The following NTN4 variants were observed in gnomAD, a reference collection of about 807,000 sequenced individuals.
The protein encoded by NTN4 is netrin-4.
Under a neutral mutation model 73.6 loss-of-function variants are expected in NTN4, and 32 were observed. The ratio of observed to expected loss-of-function variants is 0.44; its 90% CI spans 0.33 to 0.58. NTN4 has a LOEUF of 0.58. Ranked by LOEUF, NTN4 falls within the 20% of genes least tolerant of loss-of-function variation. NTN4 has a pLI of 0.04. For missense variants in NTN4, 654 were observed against 798.3 expected (o/e 0.82, Z 2.18); for synonymous variants, 258 against 287.5 (o/e 0.90, Z 1.04).
chr12:95,770,988 A>AATTTTTT (rs2079053316), intron 2 of NTN4, among the ~76,000 whole-genome samples: 17 of 58,060 alleles, frequency 2.9e-4, no homozygotes, highest in African/African-American at 7.4e-4. Context: ...CAGGAAAAGA[A>AATTTTTT]TTTGTTTTTT....
chr12:95,719,028 G>A (rs1292728191), intron 3 of NTN4, among the ~76,000 whole-genome samples: 1 of 152,076 alleles, frequency 6.6e-6, no homozygotes, highest in Non-Finnish European at 1.5e-5. Flanking sequence ...ATTATTCTAG[G>A]AATGTCTGAT....
At chr12:95,695,256 T>A (rs2078432471) in intron 5 of NTN4, among the ~76,000 whole-genome samples, 1 of 152,158 alleles carries the variant, frequency 6.6e-6, no homozygotes, top group African/African-American at 2.4e-5. Context: ...GTAGGATGCA[T>A]GAGATCTGCC....
intron 5 of NTN4, among the ~76,000 whole-genome samples, chr12:95,697,037 T>C (rs1235986905): frequency 6.6e-6 from 1 of 151,864 alleles, no homozygotes; most frequent in East Asian, 1.9e-4. Context: ...TAGCTGAGTG[T>C]GGTGGCATGT....
At chr12:95,723,933 C>T (rs560145517) in intron 3 of NTN4, among the ~76,000 whole-genome samples, 1 of 152,054 alleles carries the variant, frequency 6.6e-6, no homozygotes, top group East Asian at 1.9e-4. Context: ...GACTCATGTT[C>T]GTTTTATATA....
chr12:95,661,643 T>C (rs2078138507), intron 9 of NTN4, among the ~76,000 whole-genome samples: 1 of 152,218 alleles, frequency 6.6e-6, no homozygotes, highest in South Asian at 2.1e-4. Flanking sequence ...CACACCATGA[T>C]CTCTATAATG....
At chr12:95,730,472 A>T (rs1190359222) in intron 3 of NTN4, among the ~76,000 whole-genome samples, 2 of 152,220 alleles carry the variant, frequency 1.3e-5, no homozygotes, top group Non-Finnish European at 2.9e-5. Flanking sequence ...GGGTGCCAAG[A>T]TTATTTTAGA....
chr12:95,675,529 T>C (rs946767318), intron 7 of NTN4, among the ~76,000 whole-genome samples: 2 of 152,192 alleles, frequency 1.3e-5, no homozygotes, highest in Non-Finnish European at 2.9e-5. Context: ...ACTTTGTGAA[T>C]TCATACTTCA....
intron 3 of NTN4, among the ~76,000 whole-genome samples, chr12:95,718,193 G>A (rs1592682951): frequency 6.6e-6 from 1 of 152,144 alleles, no homozygotes; most frequent in African/African-American, 2.4e-5. Flanking sequence ...AGAGACATAA[G>A]AATTTAGGTC....
At chr12:95,703,054 A>C (rs1296670438) in intron 5 of NTN4, among the ~76,000 whole-genome samples, 1 of 151,918 alleles carries the variant, frequency 6.6e-6, no homozygotes, top group Non-Finnish European at 1.5e-5. Flanking sequence ...ACGGAGTTTC[A>C]CCATGTTGGC....
At chr12:95,760,562 C>T (rs963585310) in intron 2 of NTN4, among the ~76,000 whole-genome samples, 1 of 152,038 alleles carries the variant, frequency 6.6e-6, no homozygotes, top group African/African-American at 2.4e-5. Flanking sequence ...TATGTGTTGG[C>T]TTGGAAATGT....
At chr12:95,780,851 CAT>C (rs1325081723) in intron 2 of NTN4, among the ~76,000 whole-genome samples, 2 of 151,808 alleles carry the variant, frequency 1.3e-5, no homozygotes, top group Admixed American at 1.3e-4. Context: ...TACATGCACA[CAT>C]GTTTATTGCA....
intron 7 of NTN4, among the ~76,000 whole-genome samples, chr12:95,681,156 T>C (rs2078312072): frequency 1.5e-5 from 2 of 132,586 alleles, no homozygotes; most frequent in South Asian, 4.7e-4. Flanking sequence ...GCCACTGCAC[T>C]CCAGCCTGGG....
intron 3 of NTN4, among the ~76,000 whole-genome samples, chr12:95,732,309 A>G (rs11108224): frequency 0.36 from 54,190 of 149,740 alleles, 11,317 homozygotes; most frequent in Non-Finnish European, 0.47. Flanking sequence ...GTCAAATTTA[A>G]TAACTTTATC....
intron 5 of NTN4, among the ~76,000 whole-genome samples, chr12:95,702,900 C>G (rs923708280): frequency 6.7e-6 from 1 of 149,330 alleles, no homozygotes; most frequent in African/African-American, 2.5e-5. Context: ...TGGAGGCTCC[C>G]AGGCTGGAGT....
intron 2 of NTN4, among the ~76,000 whole-genome samples, chr12:95,757,464 G>A (rs1050288739): frequency 2.0e-5 from 3 of 152,108 alleles, no homozygotes; most frequent in African/African-American, 7.2e-5. Flanking sequence ...TCAGGGGAGT[G>A]AAATGAACAG....
intron 8 of NTN4, among the ~76,000 whole-genome samples, chr12:95,667,462 C>T (rs376110820): frequency 5.9e-5 from 9 of 152,040 alleles, no homozygotes; most frequent in Admixed American, 1.3e-4. Flanking sequence ...TCATACTCTG[C>T]GAATACAGCG....
At chr12:95,673,059 C>G in intron 7 of NTN4, 1 of 1,485,362 alleles carries the variant, frequency 6.7e-7, no homozygotes, top group Non-Finnish European at 9.3e-7. Flanking sequence ...AGGGCAAGGC[C>G]AAGAAGTGAA....
At chr12:95,700,107 T>TTTTTTTTTTTTTTTTTTTTC (rs2078472967) in intron 5 of NTN4, among the ~76,000 whole-genome samples, 1 of 126,608 alleles carries the variant, frequency 7.9e-6, no homozygotes, top group Non-Finnish European at 1.6e-5. Context: ...TTTTTTTTTT[T>TTTTTTTTTTTTTTTTTTTTC]TTTTTTTTAC....
intron 7 of NTN4, among the ~76,000 whole-genome samples, chr12:95,676,814 A>C (rs1472915928): frequency 6.6e-6 from 1 of 152,242 alleles, no homozygotes; most frequent in Non-Finnish European, 1.5e-5. Flanking sequence ...GATCAGTATA[A>C]GACAATAAGA....
Sources: gnomAD v4.1 joint callset for allele counts (sites outside exome capture counted in the v4.1 genomes callset) on GRCh38, gnomAD v4.1.1 for gene constraint, MANE v1.5 for transcripts, NCBI Gene and HGNC (gene_info 2026-07-23, HGNC 2026-07-21) for gene names.